The following KIAA1549L variants were observed in gnomAD, a reference collection of about 807,000 sequenced individuals.
KIAA1549L encodes the protein UPF0606 protein KIAA1549L.
KIAA1549L carries 88 observed loss-of-function variants against 160.7 expected under a neutral mutation model. The ratio of observed to expected loss-of-function variants is 0.55; its 90% CI spans 0.46 to 0.65. The LOEUF (loss-of-function observed/expected upper bound fraction) is 0.65, where lower values mean the gene tolerates loss of function less well. Among genes scored for constraint, KIAA1549L ranks in the 30% least tolerant of loss-of-function variants. The probability of loss-of-function intolerance (pLI) is 0.00; values close to 1 mark genes in which losing one functional copy is unlikely to be tolerated. For synonymous variants in KIAA1549L, 950 were observed against 976.7 expected, an observed-to-expected ratio of 0.97 and a Z score of 0.51; for missense variants, 2,258 against 2,437.5, an observed-to-expected ratio of 0.93 and a Z score of 1.55.
chr11:33,630,507 A>G (rs1469501377), intron 16 of KIAA1549L, among the ~76,000 whole-genome samples: 1 of 152,246 alleles, frequency 6.6e-6, no homozygotes, highest in Non-Finnish European at 1.5e-5. Context: ...AGCCTGTCGG[A>G]AAAGCGCAGT....
chr11:33,593,095 G>A (rs910524748), intron 12 of KIAA1549L, among the ~76,000 whole-genome samples: 3 of 152,126 alleles, frequency 2.0e-5, no homozygotes, highest in South Asian at 2.1e-4. Flanking sequence ...TCATTGGGGG[G>A]TTTTGAGAAA....
At chr11:33,533,727 A>G (rs942967118) in intron 1 of KIAA1549L, among the ~76,000 whole-genome samples, 3 of 152,184 alleles carry the variant, frequency 2.0e-5, no homozygotes, top group Admixed American at 6.5e-5. Context: ...AGGGTTTTGT[A>G]TGACTACCCA....
At chr11:33,432,068 G>T (rs578142114) in intron 1 of KIAA1549L, among the ~76,000 whole-genome samples, 1 of 152,326 alleles carries the variant, frequency 6.6e-6, no homozygotes, top group African/African-American at 2.4e-5. Flanking sequence ...ACGCCCACCC[G>T]GAACTCCAGC....
intron 1 of KIAA1549L, among the ~76,000 whole-genome samples, chr11:33,452,217 C>T (rs1002678932): frequency 6.6e-6 from 1 of 152,176 alleles, no homozygotes; most frequent in African/African-American, 2.4e-5. Context: ...TAGGTGAAAG[C>T]TGGATGAAAT....
At chr11:33,601,924 C>T (rs1282388733) in intron 13 of KIAA1549L, among the ~76,000 whole-genome samples, 1 of 152,190 alleles carries the variant, frequency 6.6e-6, no homozygotes, top group African/African-American at 2.4e-5. Context: ...GAAAGTCAGA[C>T]ATGAGAGCTA....
At chr11:33,425,690 A>G (rs548139738) in intron 1 of KIAA1549L, among the ~76,000 whole-genome samples, 1 of 152,362 alleles carries the variant, frequency 6.6e-6, no homozygotes, top group Admixed American at 6.5e-5. Context: ...TTATTAGGAA[A>G]GGCTGGAATT....
intron 19 of KIAA1549L, 27 bp downstream of exon 19, chr11:33,658,925 C>T (rs537856162): frequency 8.9e-5 from 136 of 1,522,302 alleles, no homozygotes; most frequent in African/African-American, 4.4e-4. Context: ...CCCGAGTGTG[C>T]CCCCCACCAC....
chr11:33,624,706 A>G (rs975835610), intron 16 of KIAA1549L, among the ~76,000 whole-genome samples: 1 of 150,894 alleles, frequency 6.6e-6, no homozygotes, highest in Non-Finnish European at 1.5e-5. Flanking sequence ...CATAGGCTAC[A>G]CCAAGTGGAC....
At chr11:33,512,040 C>T (rs578083411) in intron 1 of KIAA1549L, among the ~76,000 whole-genome samples, 8 of 152,266 alleles carry the variant, frequency 5.3e-5, no homozygotes, top group African/African-American at 1.7e-4. Context: ...GCTAGTTAGC[C>T]GTTTCTCCTG....
At chr11:33,564,798 G>C (rs558439724) in intron 8 of KIAA1549L, among the ~76,000 whole-genome samples, 33 of 152,374 alleles carry the variant, frequency 2.2e-4, no homozygotes, top group African/African-American at 7.9e-4. Flanking sequence ...TAGGAGGAGG[G>C]AGAAGTATTA....
intron 12 of KIAA1549L, among the ~76,000 whole-genome samples, chr11:33,593,899 T>A (rs1467426658): frequency 6.6e-6 from 1 of 151,996 alleles, no homozygotes; most frequent in African/African-American, 2.4e-5. Flanking sequence ...TCTATAAGAC[T>A]GGGAAGAATC....
At chr11:33,664,517 C>T (rs777174794) in intron 20 of KIAA1549L, among the ~76,000 whole-genome samples, 1 of 152,230 alleles carries the variant, frequency 6.6e-6, no homozygotes, top group Non-Finnish European at 1.5e-5. Context: ...TTCATATGTT[C>T]AAATCCTAAC....
intron 1 of KIAA1549L, among the ~76,000 whole-genome samples, chr11:33,417,803 A>G (rs564746641): frequency 4.0e-5 from 6 of 151,566 alleles, no homozygotes; most frequent in African/African-American, 1.5e-4. Flanking sequence ...TTTTCTACAC[A>G]GTTTCAGTCT....
chr11:33,390,284 A>G (rs2134046360), intron 1 of KIAA1549L, among the ~76,000 whole-genome samples: 1 of 152,294 alleles, frequency 6.6e-6, no homozygotes, highest in South Asian at 2.1e-4. Context: ...GGCTAAGGTT[A>G]CTGGCTGTGC....
chr11:33,455,223 T>C (rs1851798607), intron 1 of KIAA1549L, among the ~76,000 whole-genome samples: 1 of 152,180 alleles, frequency 6.6e-6, no homozygotes, highest in African/African-American at 2.4e-5. Context: ...GACAGTTCTC[T>C]CCATTGCCAG....
At chr11:33,427,654 A>G (rs1334644221) in intron 1 of KIAA1549L, among the ~76,000 whole-genome samples, 1 of 152,080 alleles carries the variant, frequency 6.6e-6, no homozygotes, top group African/African-American at 2.4e-5. Context: ...CATAGAAGTC[A>G]TCATTTTGGT....
chr11:33,489,638 G>A (rs1475922034), intron 1 of KIAA1549L, among the ~76,000 whole-genome samples: 1 of 152,136 alleles, frequency 6.6e-6, no homozygotes, highest in Admixed American at 6.6e-5. Context: ...GTTTCCAAAG[G>A]CACCCTGGAC....
At chr11:33,495,730 T>G (rs1174236700) in intron 1 of KIAA1549L, among the ~76,000 whole-genome samples, 4 of 152,064 alleles carry the variant, frequency 2.6e-5, no homozygotes, top group African/African-American at 4.8e-5. Flanking sequence ...TGAACTAGTT[T>G]ACAGTCCCAC....
chr11:33,530,433 AAAAATATATATATATATATAT>A (rs1345890638), intron 1 of KIAA1549L, among the ~76,000 whole-genome samples: 6 of 9,728 alleles, frequency 6.2e-4, no homozygotes, highest in East Asian at 2.3e-3. Flanking sequence ...AAAAAAAAAA[AAAAATATATATATATATATAT>A]ATATATATAT....
Sources: allele counts gnomAD v4.1 joint callset (sites outside exome capture counted in the v4.1 genomes callset), GRCh38; gene constraint gnomAD v4.1.1; transcripts MANE v1.5; gene names NCBI Gene and HGNC (gene_info 2026-07-23, HGNC 2026-07-21).